Variants in ACO2 observed in about 807,000 individuals in gnomAD.
ACO2 encodes aconitate hydratase, mitochondrial.
In ACO2, 31 loss-of-function variants were observed where a neutral mutation model predicts 84.5. That is an observed-to-expected ratio of 0.37 (90% CI 0.28 to 0.50). The LOEUF is 0.50. ACO2 is among the 20% of genes least tolerant of loss of function. The pLI is 0.97. For missense variants in ACO2, 685 were observed against 1,029.3 expected (o/e 0.67, Z 4.58); for synonymous variants, 414 against 412.7 (o/e 1.00, Z -0.04).
chr22:41,499,961 A>G, intron 2 of ACO2, 99 bp downstream of exon 2: 6 of 1,481,624 alleles, frequency 4.0e-6, no homozygotes, highest in Non-Finnish European at 5.5e-6. Flanking sequence ...ATGCTTGGTG[A>G]TAGTGGCAGG....
intron 12 of ACO2, 59 bp from the exon 13 acceptor site, chr22:41,524,787 G>A: frequency 6.2e-7 from 1 of 1,612,342 alleles, no homozygotes; most frequent in Non-Finnish European, 8.5e-7. Context: ...CTTTTGGTAG[G>A]TGCAGGAGAC....
chr22:41,527,524 C>A, intron 16 of ACO2, 104 bp downstream of exon 16: 1 of 1,454,194 alleles, frequency 6.9e-7, no homozygotes, highest in Non-Finnish European at 9.2e-7. Context: ...GCTGTGTCCA[C>A]TGCAGCCCAC....
In ACO2 at chr22:41,515,746, G is replaced by GCCTCGCCC; in HGVS notation, c.685-16_685-9dup. ...CAGGCACACACGGCCTCTCACAGCC[G>GCCTCGCCC]CCTCGCCCCCTCCTGTCCAGGTGAT... On this transcript the variant is annotated intron_variant, in intron 5 of 17. Transcript: ENST00000216254. This position sits in a 1 kb window ranked among gnomAD's most constrained non-coding sequence, Gnocchi z 5.8. 1 of 1,612,510 alleles carries GCCTCGCCC rather than the reference G, an allele frequency of 6.2e-7. No homozygotes were observed. The highest frequency in any genetic ancestry group is 1.1e-5 in the South Asian group (1 of 90,998).
chr22:41,504,390 T>G (rs1411028587), intron 2 of ACO2, among the ~76,000 whole-genome samples: 1 of 152,248 alleles, frequency 6.6e-6, no homozygotes, highest in Non-Finnish European at 1.5e-5. Context: ...CAGATGGATA[T>G]GAAGACCCAT....
intron 2 of ACO2, among the ~76,000 whole-genome samples, chr22:41,503,661 G>T (rs1169692362): frequency 4.6e-5 from 7 of 152,124 alleles, no homozygotes; most frequent in Non-Finnish European, 1.0e-4. Context: ...CACAGAGCAG[G>T]TCTCAACAAG....
At chr22:41,487,991 A>C (rs1481414180) in intron 1 of ACO2, among the ~76,000 whole-genome samples, 4 of 152,300 alleles carry the variant, frequency 2.6e-5, no homozygotes, top group Middle Eastern at 3.4e-3. Flanking sequence ...ATCTCTAGCC[A>C]GTTTTTTTGA....
intron 2 of ACO2, among the ~76,000 whole-genome samples, chr22:41,500,424 GC>G (rs1164956443): frequency 6.7e-6 from 1 of 149,902 alleles, no homozygotes; most frequent in Non-Finnish European, 1.5e-5. Context: ...TCGCCCTGTT[GC>G]CCAGACTGGA....
chr22:41,498,483 C>A (rs1432342265), intron 1 of ACO2, among the ~76,000 whole-genome samples: 1 of 152,150 alleles, frequency 6.6e-6, no homozygotes, highest in African/African-American at 2.4e-5. Flanking sequence ...TGGCTTGGGG[C>A]CTCTCCAGAA....
chr22:41,520,361 G>A (rs556140632), intron 9 of ACO2, 85 bp downstream of exon 9: 17 of 1,054,632 alleles, frequency 1.6e-5, no homozygotes, highest in Middle Eastern at 2.1e-4. Context: ...TATGCCTACT[G>A]TGTGGCACTT....
At chr22:41,525,090 C>T (rs2066568831) in intron 13 of ACO2, 103 bp from the exon 14 acceptor site, 2 of 1,595,854 alleles carry the variant, frequency 1.3e-6, no homozygotes, top group African/African-American at 2.7e-5. Flanking sequence ...CAGCTCTGTT[C>T]CCTGGGAGGG....
rs2066623013 is a variant in ACO2, at chr22:41,527,372, C to T, written c.2038C>T (p.His680Tyr). 3 of 1,613,910 alleles carry T rather than the reference C, an allele frequency of 1.9e-6. No individual in the cohort carries two copies. Among genetic ancestry groups the T allele is most frequent in the South Asian group, 1.1e-5 (1 of 91,066 alleles). ...GGAGCATGCAGCTCTGGAGCCTCGC[C>T]ACCTTGGGGGCCGGGCCATCATCAC... ...SREHAALEPRHLGGRAIITKS... is the reference protein window; with the variant it reads ...SREHAALEPRYLGGRAIITKS... The change falls in exon 16 of 18, where the codon CAC (histidine) becomes TAC (tyrosine). Residue 680 changes from histidine (H) to tyrosine (Y), a missense_variant. Coordinates refer to ENST00000216254, the MANE Select transcript of ACO2 (RefSeq NM_001098.3).
In ACO2 at chr22:41,527,907, A is replaced by G. The variant is rs1461515449; in HGVS notation, c.2093A>G (p.Asn698Ser). ...AATGCCGCCTGCTTTCCAGAGACCA[A>G]CCTGAAGAAACAGGGCCTGCTGCCT... is the stretch of plus-strand genomic sequence containing the variant. ...TKSFARIHET[N>S]LKKQGLLPLT... The change falls in exon 17 of 18, where the codon AAC becomes AGC. Residue 698 changes from asparagine to serine, a missense_variant. This residue lies in a region of ACO2 where 174 missense variants were observed against 236.6 expected (regional missense o/e 0.74). Coordinates refer to ENST00000216254, the MANE Select transcript of ACO2 (RefSeq NM_001098.3). The G allele has an allele frequency of 6.2e-7, 1 of 1,614,060 alleles. No individual in the cohort carries two copies.
chr22:41,504,528 G>C (rs1339924984), intron 2 of ACO2, among the ~76,000 whole-genome samples: 1 of 152,048 alleles, frequency 6.6e-6, no homozygotes, highest in Admixed American at 6.6e-5. Flanking sequence ...AAGCCCATGT[G>C]CTATTTTTTG....
chr22:41,492,642 G>A (rs2066279878), intron 1 of ACO2, among the ~76,000 whole-genome samples: 1 of 152,136 alleles, frequency 6.6e-6, no homozygotes, highest in South Asian at 2.1e-4. Context: ...GTGTGCTGGT[G>A]CATGCCTGTA....
chr22:41,486,468 TA>T (rs2038157473), intron 1 of ACO2, among the ~76,000 whole-genome samples: 2 of 146,568 alleles, frequency 1.4e-5, no homozygotes, highest in African/African-American at 5.3e-5. Context: ...TAACTTTTTG[TA>T]TTTTTTTTTT....
chr22:41,508,609 G>T (rs1332674186), intron 3 of ACO2, among the ~76,000 whole-genome samples: 2 of 152,214 alleles, frequency 1.3e-5, no homozygotes. Context: ...AGCCTCCTTT[G>T]GGGGCCATTC....
In ACO2 at chr22:41,524,985, CCT is replaced by C; in HGVS notation, c.1605+18_1605+19del. The C allele has an allele frequency of 6.2e-7, 1 of 1,614,146 alleles. No homozygotes were observed. ...CCCAAAGGGGTGAGCGCCCACGCCC[CCT>C]GCTTGCTGGTTGCTGTGTGGCCACG... On this transcript the variant is annotated intron_variant, in intron 13 of 17. Transcript: ENST00000216254.
At chr22:41,527,611 C>T (rs1200721495) in intron 16 of ACO2, 191 bp downstream of exon 16, 1 of 883,068 alleles carries the variant, frequency 1.1e-6, no homozygotes, top group Non-Finnish European at 1.7e-6. Flanking sequence ...TTCCCGCAGG[C>T]CCTGCTTCCA....
In ACO2 at chr22:41,520,161, G is replaced by C; in HGVS notation, c.1033-10G>C. ...CTCTCTTTCTTCTCCTTGCATGTTTGTTTCTTCAGCTGAAGCCACACATCA... is the reference window on the plus strand; with the variant it reads ...CTCTCTTTCTTCTCCTTGCATGTTTCTTTCTTCAGCTGAAGCCACACATCA... On this transcript the variant is annotated splice_polypyrimidine_tract_variant and intron_variant, in intron 8 of 17. Transcript: ENST00000216254. 6.2e-7 allele frequency: 1 copy of C among 1,608,930 alleles called. No individual in the cohort carries two copies. Among genetic ancestry groups the C allele is most frequent in the Non-Finnish European group, 8.5e-7 (1 of 1,176,036 alleles).
Sources: gnomAD v4.1 joint callset for allele counts (sites outside exome capture counted in the v4.1 genomes callset) on GRCh38, gnomAD v4.1.1 for gene constraint, gnomAD v4.1.1 regional missense constraint, Gnocchi (gnomAD v3.1) non-coding constraint, MANE v1.5 for transcripts, NCBI Gene and HGNC (gene_info 2026-07-23, HGNC 2026-07-21) for gene names.